Variants in MATCAP2 observed in about 807,000 individuals in gnomAD.
MATCAP2 encodes the protein microtubule associated tyrosine carboxypeptidase 2.
the MATCAP2 span, among the ~76,000 whole-genome samples, chr7:36,367,427 G>GA: frequency 0.037 from 3 of 80 alleles, no homozygotes. Context: ...TCCAGCCAGT[G>GA]GGTAACGCAT....
chr7:36,387,652 TATC>T, the MATCAP2 span, among the ~76,000 whole-genome samples: 1 of 152,302 alleles, frequency 6.6e-6, no homozygotes, highest in African/African-American at 2.4e-5. Context: ...CCATTATCAC[TATC>T]ATCATCATTA....
the MATCAP2 span, among the ~76,000 whole-genome samples, chr7:36,358,155 A>G: frequency 6.6e-6 from 1 of 152,046 alleles, no homozygotes; most frequent in Non-Finnish European, 1.5e-5. Flanking sequence ...CTGAGATCGC[A>G]CCACTGCACT....
At chr7:36,374,475 C>T in the MATCAP2 span, among the ~76,000 whole-genome samples, 43 of 152,106 alleles carry the variant, frequency 2.8e-4, no homozygotes, top group African/African-American at 1.0e-3. Flanking sequence ...ATATCTTGAA[C>T]GTTTTTACGT....
the MATCAP2 span, among the ~76,000 whole-genome samples, chr7:36,329,488 A>T: frequency 6.6e-6 from 1 of 152,230 alleles, no homozygotes; most frequent in East Asian, 1.9e-4. Flanking sequence ...AGACTTCATT[A>T]GAGAAATGGC....
the MATCAP2 span, chr7:36,367,133 T>C: frequency 8.2e-7 from 1 of 1,223,944 alleles, no homozygotes; most frequent in Non-Finnish European, 1.0e-6. Flanking sequence ...TGAGCAGCGC[T>C]TCCACCAGCC....
chr7:36,361,277 G>A, the MATCAP2 span, among the ~76,000 whole-genome samples: 1 of 152,124 alleles, frequency 6.6e-6, no homozygotes, highest in Non-Finnish European at 1.5e-5. Context: ...TAAAAGAATG[G>A]GGGAAAAGGG....
At chr7:36,350,600 T>A in the MATCAP2 span, among the ~76,000 whole-genome samples, 2 of 151,032 alleles carry the variant, frequency 1.3e-5, no homozygotes, top group East Asian at 3.9e-4. Context: ...AATGGCATGA[T>A]CTTGGCTCAC....
At chr7:36,367,132 C>A in the MATCAP2 span, 1 of 1,225,572 alleles carries the variant, frequency 8.2e-7, no homozygotes, top group South Asian at 4.0e-5. Context: ...GTGAGCAGCG[C>A]TTCCACCAGC....
At chr7:36,367,524 T>C in the MATCAP2 span, among the ~76,000 whole-genome samples, 299 of 152,214 alleles carry the variant, frequency 2.0e-3, 1 homozygote, top group African/African-American at 6.9e-3. Context: ...TAGCTGCAAA[T>C]AGCAAAGCCA....
chr7:36,357,379 G>A, the MATCAP2 span: 1 of 1,614,080 alleles, frequency 6.2e-7, no homozygotes, highest in South Asian at 1.1e-5. Flanking sequence ...ATCTTTTGGA[G>A]TAGGTGGAGG....
At chr7:36,345,326 A>T in the MATCAP2 span, among the ~76,000 whole-genome samples, 7 of 152,242 alleles carry the variant, frequency 4.6e-5, no homozygotes, top group Non-Finnish European at 1.0e-4. Flanking sequence ...TTAAATTTTT[A>T]AAAGATTTTT....
chr7:36,366,204 C>A, the MATCAP2 span, among the ~76,000 whole-genome samples: 6 of 152,082 alleles, frequency 3.9e-5, no homozygotes, highest in Non-Finnish European at 5.9e-5. Flanking sequence ...GAAATGTTTG[C>A]GTACAGAATC....
chr7:36,386,200 C>T, the MATCAP2 span, among the ~76,000 whole-genome samples: 2 of 151,236 alleles, frequency 1.3e-5, no homozygotes, highest in South Asian at 4.2e-4. Context: ...AGTGGCATTA[C>T]AGGTCAATGA....
At chr7:36,344,230 T>C in the MATCAP2 span, among the ~76,000 whole-genome samples, 1 of 152,120 alleles carries the variant, frequency 6.6e-6, no homozygotes, top group Non-Finnish European at 1.5e-5. Context: ...CTAACAAAAC[T>C]GTTTCTCTGA....
At chr7:36,369,553 T>A in the MATCAP2 span, among the ~76,000 whole-genome samples, 2 of 152,222 alleles carry the variant, frequency 1.3e-5, no homozygotes, top group Non-Finnish European at 2.9e-5. Flanking sequence ...TACCAAGTCA[T>A]ATGTTCAGTG....
chr7:36,355,133 GACT>G, the MATCAP2 span: 3 of 152,236 alleles, frequency 2.0e-5, no homozygotes, highest in African/African-American at 2.4e-5. Context: ...TTGTTCAATC[GACT>G]ACAATTTCCA....
At chr7:36,348,459 CTG>C in the MATCAP2 span, among the ~76,000 whole-genome samples, 3 of 152,228 alleles carry the variant, frequency 2.0e-5, no homozygotes, top group African/African-American at 7.2e-5. Context: ...TTATAAAACA[CTG>C]TGCTGGCCAA....
At chr7:36,337,025 G>C in the MATCAP2 span, among the ~76,000 whole-genome samples, 1 of 147,026 alleles carries the variant, frequency 6.8e-6, no homozygotes, top group African/African-American at 2.5e-5. Flanking sequence ...CACAACCCAG[G>C]AGGCGGAGGT....
the MATCAP2 span, among the ~76,000 whole-genome samples, chr7:36,343,647 A>AG: frequency 2.4e-4 from 2 of 8,198 alleles, no homozygotes; most frequent in African/African-American, 2.8e-4. Context: ...AAAGAAAAAG[A>AG]AAAGAGAAGG....
Sources: gnomAD v4.1 joint callset for allele counts (sites outside exome capture counted in the v4.1 genomes callset) on GRCh38, gnomAD v4.1.1 for gene constraint, MANE v1.5 for transcripts, NCBI Gene and HGNC (gene_info 2026-07-23, HGNC 2026-07-21) for gene names.